Variants in PKIB observed in about 807,000 individuals in gnomAD.
PKIB encodes cAMP-dependent protein kinase inhibitor beta.
A neutral mutation model predicts 4.5 loss-of-function variants in PKIB; 2 were observed. The ratio of observed to expected loss-of-function variants is 0.44; its 90% CI spans 0.18 to 1.39. The LOEUF (loss-of-function observed/expected upper bound fraction) is 1.39. PKIB is among the 40% of genes most tolerant of loss of function. The pLI is 0.27. For missense variants in PKIB, 94 were observed against 92.6 expected (o/e 1.02, Z -0.06); for synonymous variants, 38 against 36.0 (o/e 1.06, Z -0.20).
chr6:122,651,904 A>C (rs1049740730), intron 2 of PKIB, among the ~76,000 whole-genome samples: 1 of 152,212 alleles, frequency 6.6e-6, no homozygotes, highest in Non-Finnish European at 1.5e-5. Context: ...GCTCTAAGGC[A>C]TGAAATATAT....
intron 2 of PKIB, among the ~76,000 whole-genome samples, chr6:122,670,561 G>A (rs1280385969): frequency 6.6e-6 from 1 of 152,038 alleles, no homozygotes; most frequent in African/African-American, 2.4e-5. Context: ...GTGGCCCACA[G>A]CATGAAGTCT....
chr6:122,646,990 T>C (rs1776345861), intron 2 of PKIB, among the ~76,000 whole-genome samples: 1 of 152,132 alleles, frequency 6.6e-6, no homozygotes, highest in Non-Finnish European at 1.5e-5. Context: ...TTTTCCACTT[T>C]TACATGCCCT....
intron 3 of PKIB, among the ~76,000 whole-genome samples, chr6:122,676,175 C>A (rs1777666310): frequency 6.6e-6 from 1 of 151,642 alleles, no homozygotes; most frequent in African/African-American, 2.4e-5. Flanking sequence ...GAAACAGTGA[C>A]AGATCATCAG....
At chr6:122,582,378 G>A (rs1263450679) in intron 2 of PKIB, among the ~76,000 whole-genome samples, 1 of 152,042 alleles carries the variant, frequency 6.6e-6, no homozygotes, top group African/African-American at 2.4e-5. Context: ...AACCCATCCA[G>A]TTGTTGGCTC....
chr6:122,583,495 C>G (rs1031383479), intron 2 of PKIB, among the ~76,000 whole-genome samples: 1 of 152,028 alleles, frequency 6.6e-6, no homozygotes, highest in African/African-American at 2.4e-5. Flanking sequence ...TGAAATACCT[C>G]TTTAGGATTC....
chr6:122,658,367 T>C (rs775089532), intron 2 of PKIB, among the ~76,000 whole-genome samples: 1 of 152,182 alleles, frequency 6.6e-6, no homozygotes, highest in African/African-American at 2.4e-5. Flanking sequence ...AAAGTAATGA[T>C]ACAATTATTG....
intron 3 of PKIB, among the ~76,000 whole-genome samples, chr6:122,599,973 A>ATATATCTATATC (rs72488702): frequency 6.4e-4 from 94 of 146,936 alleles, no homozygotes; most frequent in African/African-American, 1.9e-3. Flanking sequence ...AACTAATAGG[A>ATATATCTATATC]TATATCTATA....
chr6:122,686,695 G>A (rs1407192524), intron 3 of PKIB, among the ~76,000 whole-genome samples: 3 of 151,938 alleles, frequency 2.0e-5, no homozygotes, highest in Non-Finnish European at 4.4e-5. Context: ...TGGAGTCCCA[G>A]TAGATTGTCT....
intron 2 of PKIB, among the ~76,000 whole-genome samples, chr6:122,492,669 G>T (rs556513946): frequency 5.9e-5 from 9 of 151,678 alleles, no homozygotes; most frequent in Non-Finnish European, 8.8e-5. Flanking sequence ...TTTTATTGAA[G>T]CATTTGTTCT....
At chr6:122,540,530 A>G (rs1249470860) in intron 2 of PKIB, among the ~76,000 whole-genome samples, 1 of 151,942 alleles carries the variant, frequency 6.6e-6, no homozygotes, top group Non-Finnish European at 1.5e-5. Context: ...GTTTGATTGC[A>G]CTGTGGTCTG....
intron 3 of PKIB, among the ~76,000 whole-genome samples, chr6:122,688,039 G>A (rs1778162295): frequency 6.6e-6 from 1 of 151,830 alleles, no homozygotes; most frequent in African/African-American, 2.4e-5. Context: ...CCAGATCTTA[G>A]AGGAAAGGCT....
chr6:122,711,666 T>A (rs1036311639), intron 3 of PKIB, among the ~76,000 whole-genome samples: 1 of 152,184 alleles, frequency 6.6e-6, no homozygotes, highest in Non-Finnish European at 1.5e-5. Flanking sequence ...TTGCAGTCCA[T>A]CTTTTTTATC....
chr6:122,650,886 T>C (rs1214892961), intron 2 of PKIB, among the ~76,000 whole-genome samples: 1 of 152,220 alleles, frequency 6.6e-6, no homozygotes, highest in Non-Finnish European at 1.5e-5. Context: ...AGGCAGTTAA[T>C]TCTGGCATTT....
At chr6:122,504,564 T>A (rs1312507448) in intron 2 of PKIB, among the ~76,000 whole-genome samples, 1 of 152,210 alleles carries the variant, frequency 6.6e-6, no homozygotes, top group Non-Finnish European at 1.5e-5. Context: ...GATTTTAGCA[T>A]GTTTGTTAGA....
At chr6:122,479,082 T>C (rs1775526833) in intron 2 of PKIB, 1 of 152,140 alleles carries the variant, frequency 6.6e-6, no homozygotes. Context: ...CTGCACCCAC[T>C]GTCTAATCAG....
chr6:122,566,189 G>T (rs977940481), intron 2 of PKIB, among the ~76,000 whole-genome samples: 2 of 151,876 alleles, frequency 1.3e-5, no homozygotes, highest in Non-Finnish European at 2.9e-5. Flanking sequence ...ATGAGGAAAA[G>T]AAATAAAAAA....
chr6:122,591,266 A>G (rs1310239909), intron 3 of PKIB, among the ~76,000 whole-genome samples: 1 of 151,660 alleles, frequency 6.6e-6, no homozygotes, highest in African/African-American at 2.4e-5. Flanking sequence ...ACGTTTTCTA[A>G]CTATATGCCT....
chr6:122,583,937 GTAGT>G (rs1173120494), intron 2 of PKIB, among the ~76,000 whole-genome samples: 1 of 152,060 alleles, frequency 6.6e-6, no homozygotes, highest in Admixed American at 6.6e-5. Flanking sequence ...TGGAGATTTA[GTAGT>G]TAGTGTCTTT....
rs568988290 is a variant in PKIB, at chr6:122,537,870, C to G, written c.-247-48051C>G. 1.3e-4 allele frequency among the ~76,000 whole-genome samples: 19 copies of G among 151,986 alleles called. No homozygotes were observed. In the South Asian group the frequency reaches 3.2e-3, roughly 25 times the overall value. On this transcript the variant is annotated intron_variant, in intron 2 of 6. Transcript: ENST00000392491. The stretch of plus-strand genomic sequence containing the variant: ...TCCTGACTTTTTAATGATCGCCATT[C>G]TAACTGGTGTGAGATGGTATCTCAT...
Sources: gnomAD v4.1 joint callset for allele counts (sites outside exome capture counted in the v4.1 genomes callset) on GRCh38, gnomAD v4.1.1 for gene constraint, MANE v1.5 for transcripts, NCBI Gene and HGNC (gene_info 2026-07-23, HGNC 2026-07-21) for gene names.